The following NRXN3 variants were observed in gnomAD, a reference collection of about 807,000 sequenced individuals.
The protein encoded by NRXN3 is neurexin III.
In NRXN3, 32 loss-of-function variants were observed where a neutral mutation model predicts 137.6. The ratio of observed to expected loss-of-function variants is 0.23; its 90% CI spans 0.18 to 0.31. The LOEUF (loss-of-function observed/expected upper bound fraction) is 0.31. NRXN3 is among the 10% of genes least tolerant of loss of function. The pLI is 1.00. For missense variants in NRXN3, 1,574 were observed against 2,062.5 expected, an observed-to-expected ratio of 0.76 and a Z score of 4.59; for synonymous variants, 798 against 784.5, an observed-to-expected ratio of 1.02 and a Z score of -0.29.
At chr14:78,263,463 A>T (rs531283001) in intron 2 of NRXN3, among the ~76,000 whole-genome samples, 1 of 152,318 alleles carries the variant, frequency 6.6e-6, no homozygotes, top group Admixed American at 6.5e-5. Flanking sequence ...TCGGAATTAG[A>T]CAAAGACTGC....
At chr14:79,790,353 G>T (rs559320597) in intron 19 of NRXN3, among the ~76,000 whole-genome samples, 4 of 151,978 alleles carry the variant, frequency 2.6e-5, no homozygotes, top group Non-Finnish European at 5.9e-5. Context: ...TTAATTTTTT[G>T]AGAGGGTGGC....
At chr14:79,600,321 T>A (rs979302988) in intron 16 of NRXN3, among the ~76,000 whole-genome samples, 3 of 152,170 alleles carry the variant, frequency 2.0e-5, no homozygotes, top group African/African-American at 7.2e-5. Context: ...CAATGGCCAG[T>A]CAAATTTATT....
chr14:79,557,008 A>G (rs2097436192), intron 16 of NRXN3, among the ~76,000 whole-genome samples: 1 of 151,914 alleles, frequency 6.6e-6, no homozygotes, highest in South Asian at 2.1e-4. Flanking sequence ...ACCCATCAAC[A>G]TCCACACAAT....
chr14:79,401,650 C>T (rs59825976), intron 15 of NRXN3, among the ~76,000 whole-genome samples: 2,269 of 152,164 alleles, frequency 0.015, 61 homozygotes, highest in African/African-American at 0.052. Context: ...CGTGAGAAAA[C>T]AGTAACAATT....
chr14:79,512,097 C>T (rs1051392720), intron 16 of NRXN3, among the ~76,000 whole-genome samples: 2 of 152,110 alleles, frequency 1.3e-5, no homozygotes, highest in South Asian at 2.1e-4. Context: ...TGGGGTTTCA[C>T]CATGTTGGTC....
intron 15 of NRXN3, among the ~76,000 whole-genome samples, chr14:79,284,343 C>CATGT (rs2081836199): frequency 7.7e-5 from 5 of 65,086 alleles, no homozygotes; most frequent in Non-Finnish European, 1.5e-4. Flanking sequence ...ACTAAAAATA[C>CATGT]ATATATATAT....
At chr14:78,241,283 C>T (rs1233062937) in intron 1 of NRXN3, among the ~76,000 whole-genome samples, 1 of 152,162 alleles carries the variant, frequency 6.6e-6, no homozygotes, top group Non-Finnish European at 1.5e-5. Context: ...CTGTCCCTTC[C>T]CACTTCAGAG....
At chr14:79,395,808 CAA>C (rs11300542) in intron 15 of NRXN3, among the ~76,000 whole-genome samples, 11 of 89,276 alleles carry the variant, frequency 1.2e-4, no homozygotes, top group African/African-American at 2.1e-4. Context: ...GACTCCATCT[CAA>C]AAAAAAAAAA....
chr14:79,663,197 T>C (rs1262783498), intron 16 of NRXN3, among the ~76,000 whole-genome samples: 2 of 152,016 alleles, frequency 1.3e-5, no homozygotes, highest in Non-Finnish European at 2.9e-5. Flanking sequence ...TTACCTTTTC[T>C]ATGTGGTTTG....
At chr14:78,702,290 G>A (rs1026570376) in intron 6 of NRXN3, among the ~76,000 whole-genome samples, 8 of 108,656 alleles carry the variant, frequency 7.4e-5, no homozygotes, top group African/African-American at 2.0e-4. Flanking sequence ...ATACATATAT[G>A]AAGTTCATAA....
At chr14:78,278,763 G>C (rs2073980310) in intron 3 of NRXN3, 101 bp downstream of exon 3, 3 of 928,524 alleles carry the variant, frequency 3.2e-6, no homozygotes, top group Non-Finnish European at 5.0e-6. Context: ...AAAATTCTAA[G>C]TGTATTGCAT....
rs117002940 is a variant in NRXN3 at position 78,859,687 on chromosome 14, T to C, written c.2275+49343T>C. 7.7e-3 allele frequency among the ~76,000 whole-genome samples: 1,178 copies of C among 152,286 alleles called. 9 individuals are homozygous for C. The highest frequency in any genetic ancestry group is 0.012 in the Non-Finnish European group (850 of 68,030). ...TTATTTGGGGACTGTGGTCTTGTTATATATATCATCTCCCGAGATACTAGA... is the reference window on the plus strand; with the variant it reads ...TTATTTGGGGACTGTGGTCTTGTTACATATATCATCTCCCGAGATACTAGA... On this transcript the variant is annotated intron_variant, in intron 10 of 20. Coordinates refer to ENST00000335750, the MANE Select transcript of NRXN3 (RefSeq NM_001330195.2).
intron 15 of NRXN3, among the ~76,000 whole-genome samples, chr14:79,133,224 T>A (rs2127450): frequency 0.55 from 83,300 of 152,188 alleles, 24,001 homozygotes; most frequent in East Asian, 0.77. Flanking sequence ...GGCTAATACC[T>A]GTTTGTAGCT....
At chr14:78,289,944 A>G (rs560191529) in intron 3 of NRXN3, among the ~76,000 whole-genome samples, 17 of 147,670 alleles carry the variant, frequency 1.2e-4, no homozygotes, top group South Asian at 4.2e-4. Context: ...AAACTGCTCA[A>G]TGGTAGCTCT....
At chr14:79,704,253 T>A (rs1368841873) in intron 19 of NRXN3, among the ~76,000 whole-genome samples, 1 of 152,184 alleles carries the variant, frequency 6.6e-6, no homozygotes, top group African/African-American at 2.4e-5. Context: ...ATTTACAGCA[T>A]GTTGTTATCA....
chr14:79,523,665 C>T (rs1415327720), intron 16 of NRXN3, among the ~76,000 whole-genome samples: 2 of 152,162 alleles, frequency 1.3e-5, no homozygotes, highest in Non-Finnish European at 1.5e-5. Context: ...AGGAGAGAGA[C>T]ATTATACAGA....
chr14:79,065,486 C>A (rs1253770768), intron 15 of NRXN3, among the ~76,000 whole-genome samples: 1 of 152,070 alleles, frequency 6.6e-6, no homozygotes, highest in Non-Finnish European at 1.5e-5. Flanking sequence ...TGAATTTTCA[C>A]TGAGAGGCAG....
At chr14:78,830,524 G>A (rs1478695000) in intron 10 of NRXN3, among the ~76,000 whole-genome samples, 2 of 151,906 alleles carry the variant, frequency 1.3e-5, no homozygotes, top group Admixed American at 1.3e-4. Context: ...TTCCTGCCTC[G>A]TCTTAGCACA....
At chr14:79,754,766 T>G (rs944960972) in intron 19 of NRXN3, among the ~76,000 whole-genome samples, 9 of 151,696 alleles carry the variant, frequency 5.9e-5, no homozygotes, top group African/African-American at 2.2e-4. Context: ...TAATCCCTGT[T>G]TGTTGTGGGA....
Sources: allele counts gnomAD v4.1 joint callset (sites outside exome capture counted in the v4.1 genomes callset), GRCh38; gene constraint gnomAD v4.1.1; transcripts MANE v1.5; gene names NCBI Gene and HGNC (gene_info 2026-07-23, HGNC 2026-07-21).